Variants in ADGRB3 observed in about 807,000 individuals in gnomAD.
The protein encoded by ADGRB3 is adhesion G protein-coupled receptor B3.
ADGRB3 carries 37 observed loss-of-function variants against 193.4 expected under a neutral mutation model. The observed-to-expected ratio is 0.19, with a 90% CI of 0.15 to 0.25. ADGRB3 has a LOEUF of 0.25. Among genes scored for constraint, ADGRB3 ranks in the 10% least tolerant of loss-of-function variants. The probability of loss-of-function intolerance (pLI) is 1.00; values close to 1 mark genes in which losing one functional copy is unlikely to be tolerated. For missense variants in ADGRB3, 1,637 were observed against 1,852.9 expected (o/e 0.88, Z 2.14); for synonymous variants, 690 against 644.2 (o/e 1.07, Z -1.08).
intron 20 of ADGRB3, among the ~76,000 whole-genome samples, chr6:69,240,374 T>C (rs1299599564): frequency 6.6e-6 from 1 of 152,092 alleles, no homozygotes; most frequent in Non-Finnish European, 1.5e-5. Flanking sequence ...AAATAAAAAT[T>C]ACTTTCGTGT....
chr6:68,932,078 G>A (rs1311240097), intron 4 of ADGRB3, among the ~76,000 whole-genome samples: 1 of 152,152 alleles, frequency 6.6e-6, no homozygotes, highest in Non-Finnish European at 1.5e-5. Context: ...CCACTGAGCA[G>A]AGATTAGAGA....
At chr6:68,911,723 G>A (rs565404748) in intron 3 of ADGRB3, among the ~76,000 whole-genome samples, 2 of 152,128 alleles carry the variant, frequency 1.3e-5, no homozygotes, top group South Asian at 4.1e-4. Context: ...ATAAGTTTAA[G>A]GCTGGCAATT....
At chr6:69,327,767 T>C in intron 21 of ADGRB3, 53 bp from the exon 22 acceptor site, 3 of 1,520,730 alleles carry the variant, frequency 2.0e-6, no homozygotes, top group Admixed American at 3.5e-5. Context: ...CTTAGACCAG[T>C]ATGCATAGTG....
At chr6:68,999,366 G>A (rs983842464) in intron 11 of ADGRB3, among the ~76,000 whole-genome samples, 3 of 150,826 alleles carry the variant, frequency 2.0e-5, no homozygotes, top group East Asian at 1.9e-4. Flanking sequence ...CCGGGTTCAC[G>A]CCATTCTCCT....
chr6:69,023,892 T>A (rs762084138), intron 13 of ADGRB3, among the ~76,000 whole-genome samples: 61 of 151,960 alleles, frequency 4.0e-4, no homozygotes, highest in Admixed American at 2.4e-3. Flanking sequence ...CTGACTGGGG[T>A]GTGAGAGATA....
intron 3 of ADGRB3, among the ~76,000 whole-genome samples, chr6:68,750,630 A>G (rs1377843032): frequency 6.6e-6 from 1 of 152,148 alleles, no homozygotes; most frequent in Non-Finnish European, 1.5e-5. Context: ...TATTCTGCAA[A>G]GACTTCTATC....
At chr6:68,814,080 G>A (rs1451635572) in intron 3 of ADGRB3, among the ~76,000 whole-genome samples, 2 of 152,168 alleles carry the variant, frequency 1.3e-5, no homozygotes, top group African/African-American at 2.4e-5. Flanking sequence ...CCAGTAATGG[G>A]ATGGCTGGGT....
At chr6:69,364,364 T>C (rs1489789174) in intron 29 of ADGRB3, among the ~76,000 whole-genome samples, 1 of 151,920 alleles carries the variant, frequency 6.6e-6, no homozygotes, top group African/African-American at 2.4e-5. Flanking sequence ...GAAGTATTTA[T>C]TCAAATAAGC....
At chr6:68,868,733 G>C (rs895134231) in intron 3 of ADGRB3, among the ~76,000 whole-genome samples, 1 of 152,110 alleles carries the variant, frequency 6.6e-6, no homozygotes, top group African/African-American at 2.4e-5. Flanking sequence ...ATCTTTCTCT[G>C]AGATGCTTTG....
chr6:68,798,310 T>C (rs1767249093), intron 3 of ADGRB3, among the ~76,000 whole-genome samples: 1 of 152,312 alleles, frequency 6.6e-6, no homozygotes, highest in African/African-American at 2.4e-5. Flanking sequence ...ATTTAAAGTA[T>C]TAAGAGATGA....
At chr6:69,135,563 A>G (rs2150335806) in intron 17 of ADGRB3, among the ~76,000 whole-genome samples, 1 of 152,194 alleles carries the variant, frequency 6.6e-6, no homozygotes, top group Middle Eastern at 3.4e-3. Flanking sequence ...CATGGCATTT[A>G]TACTTTTTAT....
Position 68,848,896 on chromosome 6 carries a change from T to C in ADGRB3, c.758-81663T>C, listed in dbSNP as rs150564643. On this transcript the variant is annotated intron_variant, in intron 3 of 31. Transcript: ENST00000370598. The stretch of plus-strand genomic sequence containing the variant: ...GCATTAGCATTCGTTGAATTTTCCA[T>C]TGATTTTTTAACATTGACAATTCAA... Among the ~76,000 whole-genome samples the C allele has an allele frequency of 1.8e-3, 277 of 152,202 alleles. 1 individual carries two copies. Among genetic ancestry groups the C allele is most frequent in the South Asian group, 8.7e-3 (42 of 4,834 alleles).
At chr6:69,331,886 A>G in intron 23 of ADGRB3, 15 of 985,150 alleles carry the variant, frequency 1.5e-5, no homozygotes, top group Non-Finnish European at 1.8e-5. Context: ...ATGAATAAGT[A>G]TTCTCTTGAT....
intron 3 of ADGRB3, among the ~76,000 whole-genome samples, chr6:68,737,928 A>T (rs1324093698): frequency 6.6e-6 from 1 of 152,182 alleles, no homozygotes; most frequent in Non-Finnish European, 1.5e-5. Context: ...TAAATATGTT[A>T]ATCAATTAAA....
At chr6:68,670,549 T>C (rs1345548404) in intron 3 of ADGRB3, among the ~76,000 whole-genome samples, 1 of 152,058 alleles carries the variant, frequency 6.6e-6, no homozygotes, top group Non-Finnish European at 1.5e-5. Flanking sequence ...ATGGATGTTT[T>C]TGGCAACTTT....
At chr6:69,201,592 A>G (rs62406831) in intron 17 of ADGRB3, among the ~76,000 whole-genome samples, 6,985 of 152,122 alleles carry the variant, frequency 0.046, 222 homozygotes, top group Non-Finnish European at 0.071. Flanking sequence ...TTGATTCAAA[A>G]TATCAAAAGT....
chr6:68,944,094 C>T (rs1767709650), intron 6 of ADGRB3, 100 bp downstream of exon 6: 30 of 1,295,724 alleles, frequency 2.3e-5, no homozygotes, highest in South Asian at 7.1e-5. Flanking sequence ...CATTCAGTCA[C>T]GTTGGGAAAT....
At chr6:69,038,744 T>A (rs1770946539) in intron 13 of ADGRB3, among the ~76,000 whole-genome samples, 1 of 152,306 alleles carries the variant, frequency 6.6e-6, no homozygotes, top group South Asian at 2.1e-4. Flanking sequence ...ATTCAATAGA[T>A]AACAAAATAA....
At chr6:69,273,246 G>A (rs1767221279) in intron 20 of ADGRB3, among the ~76,000 whole-genome samples, 1 of 152,274 alleles carries the variant, frequency 6.6e-6, no homozygotes, top group Admixed American at 6.5e-5. Context: ...ACTTCTGTGA[G>A]TGTTAGTTCT....
Sources: allele counts gnomAD v4.1 joint callset (sites outside exome capture counted in the v4.1 genomes callset), GRCh38; gene constraint gnomAD v4.1.1; transcripts MANE v1.5; gene names NCBI Gene and HGNC (gene_info 2026-07-23, HGNC 2026-07-21).